The following SBSPON variants were observed in gnomAD, a reference collection of about 807,000 sequenced individuals.
SBSPON encodes the protein somatomedin B and thrombospondin type 1 domain containing.
In SBSPON, 30 loss-of-function variants were observed where a neutral mutation model predicts 35.8. The observed-to-expected ratio is 0.84, with a 90% CI of 0.63 to 1.14. The LOEUF (loss-of-function observed/expected upper bound fraction) is 1.14, where lower values mean the gene tolerates loss of function less well. SBSPON is among the 50% of genes most tolerant of loss of function. The pLI is 0.00. For missense variants in SBSPON, 364 were observed against 357.7 expected, an observed-to-expected ratio of 1.02 and a Z score of -0.14; for synonymous variants, 136 against 135.9, an observed-to-expected ratio of 1.00 and a Z score of 0.00.
At chr8:73,089,513 G>A (rs1392080479) in intron 1 of SBSPON, among the ~76,000 whole-genome samples, 2 of 150,186 alleles carry the variant, frequency 1.3e-5, no homozygotes, top group African/African-American at 2.5e-5. Context: ...CCAAGATCAC[G>A]CCAGTGTACT....
At chr8:73,079,867 C>T (rs752813756) in intron 2 of SBSPON, among the ~76,000 whole-genome samples, 4 of 152,130 alleles carry the variant, frequency 2.6e-5, no homozygotes, top group Admixed American at 1.3e-4. Flanking sequence ...ACCCCAGCGC[C>T]AGCCCAGCAC....
intron 4 of SBSPON, 95 bp downstream of exon 4, chr8:73,069,710 A>G: frequency 3.0e-6 from 3 of 1,004,300 alleles, no homozygotes; most frequent in South Asian, 2.9e-5. Flanking sequence ...TCATCCCTTG[A>G]TATGTTACAT....
At position 73,067,356 on chromosome 8, in the gene SBSPON, A is replaced by G. The variant is rs1442426661; in HGVS notation, c.780T>C (p.Ser260=). 6.3e-7 allele frequency: 1 copy of G among 1,583,608 alleles called. No individual in the cohort carries two copies. The highest frequency in any genetic ancestry group is 8.7e-7 in the Non-Finnish European group (1 of 1,152,766). The change falls in exon 5 of 5, where the codon AGT becomes AGC. Residue 260 remains serine, a synonymous_variant. Transcript: ENST00000297354. ...ATATCACCATCTATATAAAAATAAAACTGTGAACAGCTGGACAAGAACACT... is the reference window on the plus strand; with the variant it reads ...ATATCACCATCTATATAAAAATAAAGCTGTGAACAGCTGGACAAGAACACT... ...VDQCSCPAVH[S]FIFI is the part of the protein sequence containing the mutation.
chr8:73,073,388 T>C (rs571034962), intron 2 of SBSPON, among the ~76,000 whole-genome samples: 1 of 152,356 alleles, frequency 6.6e-6, no homozygotes, highest in East Asian at 1.9e-4. Context: ...AGGATACTGG[T>C]TGCAAAATAG....
At position 73,069,849 on chromosome 8, in the gene SBSPON, G is replaced by C. The variant is rs1037858466; in HGVS notation, c.633C>G (p.Asn211Lys). ...CTCCAGAACAACGAAGGCTCACAGA[G>C]TTCATAGCTGGAGGCTGACAATCCA... ...VCVDCQPPAM[N>K]SVSLRCSGDG... The change falls in exon 4 of 5, where the codon AAC becomes AAG. Residue 211 changes from asparagine (N) to lysine (K), a missense_variant. Coordinates refer to ENST00000297354, the MANE Select transcript of SBSPON (RefSeq NM_153225.4). The C allele has an allele frequency of 1.2e-6, 2 of 1,614,110 alleles. No homozygotes were observed. The highest frequency in any genetic ancestry group is 1.7e-6 in the Non-Finnish European group (2 of 1,179,954).
intron 1 of SBSPON, among the ~76,000 whole-genome samples, chr8:73,089,364 G>A (rs1810891231): frequency 6.6e-6 from 1 of 152,094 alleles, no homozygotes; most frequent in Admixed American, 6.5e-5. Flanking sequence ...AACCAGCCTG[G>A]CCAACATGGT....
intron 2 of SBSPON, among the ~76,000 whole-genome samples, chr8:73,076,116 A>G (rs929333917): frequency 6.6e-6 from 1 of 152,192 alleles, no homozygotes; most frequent in African/African-American, 2.4e-5. Context: ...TTGAGGTGGG[A>G]AAATCCCATA....
intron 1 of SBSPON, among the ~76,000 whole-genome samples, chr8:73,088,647 C>T (rs773884082): frequency 6.6e-6 from 1 of 151,856 alleles, no homozygotes; most frequent in Admixed American, 6.6e-5. Flanking sequence ...CACGCCACTG[C>T]ACTCCAGCCT....
At chr8:73,082,605 A>G (rs1423444259) in intron 1 of SBSPON, among the ~76,000 whole-genome samples, 1 of 152,210 alleles carries the variant, frequency 6.6e-6, no homozygotes, top group African/African-American at 2.4e-5. Context: ...TCAACTACCT[A>G]AAGAAGCCAG....
At chr8:73,073,200 GAC>G in intron 2 of SBSPON, among the ~76,000 whole-genome samples, 1 of 152,368 alleles carries the variant, frequency 6.6e-6, no homozygotes, top group African/African-American at 2.4e-5. Context: ...TTGCAGCCAA[GAC>G]ACACAGGCCC....
intron 1 of SBSPON, among the ~76,000 whole-genome samples, chr8:73,086,699 G>A (rs1194062855): frequency 1.3e-4 from 20 of 151,996 alleles, no homozygotes; most frequent in Admixed American, 1.3e-3. Flanking sequence ...CTAGCAAGAT[G>A]ACATGGGCTG....
At chr8:73,081,785 C>T (rs1451984114) in intron 1 of SBSPON, among the ~76,000 whole-genome samples, 4 of 152,150 alleles carry the variant, frequency 2.6e-5, no homozygotes, top group Admixed American at 2.6e-4. Context: ...CTAAGCTTCT[C>T]CTGTTTACTC....
rs542135551 is a variant in SBSPON at position 73,069,208 on chromosome 8, A to C, written c.677+597T>G. On this transcript the variant is annotated intron_variant, in intron 4 of 4. Coordinates refer to ENST00000297354, the MANE Select transcript of SBSPON (RefSeq NM_153225.4). Reference sequence around the variant, plus strand: ...CTCCATCTCACGAGATTCTGATTCTAGTGATCTTCAGAACACCACTTTGGA... The same window carrying C: ...CTCCATCTCACGAGATTCTGATTCTCGTGATCTTCAGAACACCACTTTGGA... Among the ~76,000 whole-genome samples the C allele has an allele frequency of 1.6e-4, 25 of 152,274 alleles. No homozygotes were observed. In the South Asian group the frequency reaches 5.0e-3, roughly 30 times the overall value.
Position 73,066,432 on chromosome 8 carries a change from G to A in SBSPON, c.*909C>T, listed in dbSNP as rs147697721. The A allele has an allele frequency of 2.0e-3, 306 of 152,174 alleles. 3 individuals carry two copies. Among genetic ancestry groups the A allele is most frequent in the East Asian group, 0.014 (70 of 5,168 alleles). 9.4% of individuals were successfully genotyped at this position (152,174 alleles called of 1,614,324 possible). On this transcript the variant is annotated 3_prime_UTR_variant, in exon 5 of 5. Coordinates refer to ENST00000297354, the MANE Select transcript of SBSPON (RefSeq NM_153225.4). Reference sequence around the variant, plus strand: ...GTGAGATCGTAGCACCTGTAATGACGTCTATGCCTTCCATAACCGACACAC... The same window carrying A: ...GTGAGATCGTAGCACCTGTAATGACATCTATGCCTTCCATAACCGACACAC...
chr8:73,079,936 T>C (rs1321888339), intron 2 of SBSPON, among the ~76,000 whole-genome samples: 2 of 152,168 alleles, frequency 1.3e-5, no homozygotes, highest in African/African-American at 4.8e-5. Flanking sequence ...AGAAACAAAA[T>C]GGCTTGACAA....
At chr8:73,087,957 T>C (rs1380287742) in intron 1 of SBSPON, among the ~76,000 whole-genome samples, 1 of 152,190 alleles carries the variant, frequency 6.6e-6, no homozygotes, top group Non-Finnish European at 1.5e-5. Flanking sequence ...CTTGGATCTG[T>C]TCCCCTACTC....
intron 1 of SBSPON, 88 bp from the exon 2 acceptor site, chr8:73,081,301 C>T (rs1258930701): frequency 8.3e-7 from 1 of 1,202,834 alleles, no homozygotes; most frequent in African/African-American, 1.5e-5. Context: ...CTGAGTTTAG[C>T]TCCATGTAAA....
chr8:73,075,847 C>CAT (rs1200600721), intron 2 of SBSPON: 6 of 463,314 alleles, frequency 1.3e-5, no homozygotes, highest in South Asian at 9.0e-5. Flanking sequence ...GAGGAAAACA[C>CAT]ATATATATAA....
At chr8:73,091,142 A>G (rs1338782661) in intron 1 of SBSPON, among the ~76,000 whole-genome samples, 1 of 152,094 alleles carries the variant, frequency 6.6e-6, no homozygotes, top group East Asian at 1.9e-4. Flanking sequence ...AGGGCCTGGC[A>G]CAAGCAGGTG....
Sources: gnomAD v4.1 joint callset for allele counts (sites outside exome capture counted in the v4.1 genomes callset) on GRCh38, gnomAD v4.1.1 for gene constraint, MANE v1.5 for transcripts, NCBI Gene and HGNC (gene_info 2026-07-23, HGNC 2026-07-21) for gene names.